Variants in TMTC2 observed in about 807,000 individuals in gnomAD.
The protein encoded by TMTC2 is protein O-mannosyl-transferase TMTC2.
Under a neutral mutation model 82.4 loss-of-function variants are expected in TMTC2, and 43 were observed. The observed-to-expected ratio is 0.52, with a 90% CI of 0.41 to 0.67. The LOEUF (loss-of-function observed/expected upper bound fraction) is 0.67. Among genes scored for constraint, TMTC2 ranks in the 30% least tolerant of loss-of-function variants. The probability of loss-of-function intolerance (pLI) is 0.00; values close to 1 mark genes in which losing one functional copy is unlikely to be tolerated. For missense variants in TMTC2, 919 were observed against 1,012.4 expected (o/e 0.91, Z 1.25); for synonymous variants, 408 against 381.9 (o/e 1.07, Z -0.80).
intron 1 of TMTC2, among the ~76,000 whole-genome samples, chr12:82,855,132 CAGAA>C (rs1871193531): frequency 6.6e-6 from 1 of 152,160 alleles, no homozygotes; most frequent in African/African-American, 2.4e-5. Context: ...AACTGAAGCT[CAGAA>C]AGGTTAATTG....
At chr12:82,731,622 C>T (rs916795626) in intron 1 of TMTC2, among the ~76,000 whole-genome samples, 2 of 152,124 alleles carry the variant, frequency 1.3e-5, no homozygotes, top group Non-Finnish European at 2.9e-5. Flanking sequence ...AAGTTTTAGA[C>T]TATTACTATA....
chr12:82,687,310 C>A lies in TMTC2; in HGVS notation c.-277C>A, dbSNP rs1248776279. The A allele has an allele frequency of 9.6e-6, 5 of 519,090 alleles. No homozygotes were observed. Among genetic ancestry groups the A allele is most frequent in the South Asian group, 2.1e-5 (1 of 47,098 alleles). 32.2% of individuals were successfully genotyped at this position (519,090 alleles called of 1,614,324 possible). On this transcript the variant is annotated 5_prime_UTR_variant, in exon 1 of 12. Coordinates refer to ENST00000321196, the MANE Select transcript of TMTC2 (RefSeq NM_152588.3). The stretch of plus-strand genomic sequence containing the variant: ...CCAGCCCTGCGCTTCCGCCGGGGGA[C>A]GCGGAGCCCAAACGCCGCTCACCGC...
chr12:82,880,294 C>T (rs1230263042), intron 2 of TMTC2, among the ~76,000 whole-genome samples: 1 of 152,218 alleles, frequency 6.6e-6, no homozygotes, highest in Non-Finnish European at 1.5e-5. Context: ...CTAGTACCTC[C>T]TGTAATTTTT....
intron 10 of TMTC2, among the ~76,000 whole-genome samples, chr12:83,057,805 A>G (rs1882600458): frequency 6.6e-6 from 1 of 151,936 alleles, no homozygotes; most frequent in African/African-American, 2.4e-5. Context: ...CGTGGTTTTT[A>G]TATTAATTTT....
At chr12:82,852,669 T>C (rs577860520) in intron 1 of TMTC2, among the ~76,000 whole-genome samples, 51 of 152,364 alleles carry the variant, frequency 3.3e-4, no homozygotes, top group African/African-American at 1.2e-3. Context: ...GGTTTTACTA[T>C]TTCTATTTTG....
chr12:82,801,274 G>C (rs991371460), intron 1 of TMTC2, among the ~76,000 whole-genome samples: 2 of 152,066 alleles, frequency 1.3e-5, no homozygotes, highest in South Asian at 4.1e-4. Context: ...CTTTCCTCCC[G>C]GTGGGTTTGT....
intron 11 of TMTC2, among the ~76,000 whole-genome samples, chr12:83,122,620 G>A (rs563933440): frequency 6.6e-6 from 1 of 152,164 alleles, no homozygotes; most frequent in East Asian, 1.9e-4. Context: ...GTGTTCGGGG[G>A]CGGATGACCT....
chr12:82,982,489 T>C (rs1878965240), intron 7 of TMTC2, among the ~76,000 whole-genome samples: 1 of 151,854 alleles, frequency 6.6e-6, no homozygotes, highest in African/African-American at 2.4e-5. Flanking sequence ...TATTACCATT[T>C]ATATACACCC....
intron 1 of TMTC2, among the ~76,000 whole-genome samples, chr12:82,688,864 G>T (rs947232824): frequency 2.6e-5 from 4 of 152,178 alleles, no homozygotes; most frequent in African/African-American, 9.7e-5. Flanking sequence ...GTCGTAATTA[G>T]CCACATTCTG....
At chr12:82,997,495 A>G (rs1445612101) in intron 8 of TMTC2, among the ~76,000 whole-genome samples, 1 of 144,452 alleles carries the variant, frequency 6.9e-6, no homozygotes, top group Non-Finnish European at 1.5e-5. Flanking sequence ...ATGTAGGCAT[A>G]TGTAACTGCA....
At chr12:82,901,755 C>T (rs1392636357) in intron 3 of TMTC2, among the ~76,000 whole-genome samples, 1 of 152,008 alleles carries the variant, frequency 6.6e-6, no homozygotes, top group Non-Finnish European at 1.5e-5. Flanking sequence ...AGGAGTTGGA[C>T]TGTATTTTGC....
chr12:82,885,405 C>CT (rs1373956943), intron 2 of TMTC2, among the ~76,000 whole-genome samples: 1 of 151,756 alleles, frequency 6.6e-6, no homozygotes, highest in African/African-American at 2.4e-5. Context: ...CAGAGACACT[C>CT]TGTCACCCAT....
Position 82,857,229 on chromosome 12 carries a change from C to G in TMTC2, c.303C>G (p.Leu101=). ...TGTTGCATGCAGCAGTCACTGGTCTCTTCACAAGCTTCTCCAAGATCCTCC... is the reference window on the plus strand; with the variant it reads ...TGTTGCATGCAGCAGTCACTGGTCTGTTCACAAGCTTCTCCAAGATCCTCC... The part of the protein sequence containing the change: ...NVLLHAAVTG[L]FTSFSKILLG... Residue 101 remains leucine, a synonymous_variant, in exon 2 of 12, where the codon CTC becomes CTG. Transcript: ENST00000321196. 1.2e-6 allele frequency: 2 copies of G among 1,614,204 alleles called. No homozygotes were observed. The highest frequency in any genetic ancestry group is 1.7e-6 in the Non-Finnish European group (2 of 1,180,048).
chr12:82,719,618 A>G (rs557574196), intron 1 of TMTC2, among the ~76,000 whole-genome samples: 27 of 148,538 alleles, frequency 1.8e-4, no homozygotes, highest in Middle Eastern at 3.5e-3. Context: ...TCATGTAGCA[A>G]TTTCCTTTGG....
chr12:82,866,727 T>C lies in TMTC2; in HGVS notation c.654+9147T>C, dbSNP rs562616580. 2.0e-5 allele frequency among the ~76,000 whole-genome samples: 3 copies of C among 152,322 alleles called. No individual in the cohort carries two copies. In the South Asian group the frequency reaches 6.2e-4, roughly 32 times the overall value. On this transcript the variant is annotated intron_variant, in intron 2 of 11. Transcript: ENST00000321196. ...GTTTGCACAAATTTGAAATCCATTGTCATTACCTAGAAGTTCAGTTCCTAT... is the reference window on the plus strand; with the variant it reads ...GTTTGCACAAATTTGAAATCCATTGCCATTACCTAGAAGTTCAGTTCCTAT...
intron 1 of TMTC2, among the ~76,000 whole-genome samples, chr12:82,698,055 C>T (rs1872895784): frequency 6.6e-6 from 1 of 152,150 alleles, no homozygotes; most frequent in African/African-American, 2.4e-5. Context: ...ATGCTTCGGC[C>T]TGTATGACTT....
intron 1 of TMTC2, among the ~76,000 whole-genome samples, chr12:82,713,218 G>T (rs1349397923): frequency 6.6e-6 from 1 of 152,120 alleles, no homozygotes; most frequent in African/African-American, 2.4e-5. Flanking sequence ...CTACTTGGGA[G>T]GCTGAGACAG....
intron 1 of TMTC2, among the ~76,000 whole-genome samples, chr12:82,725,106 CTTT>C (rs1277322283): frequency 6.6e-6 from 1 of 151,638 alleles, no homozygotes; most frequent in Non-Finnish European, 1.5e-5. Flanking sequence ...GGCCTTTCTC[CTTT>C]TTCAACAGTG....
rs184780345 is a variant in TMTC2 at position 82,985,792 on chromosome 12, G to A, written c.1949-133G>A. On this transcript the variant is annotated intron_variant, in intron 7 of 11. Coordinates refer to ENST00000321196, the MANE Select transcript of TMTC2 (RefSeq NM_152588.3). ...GATGACTTCTTTGGGAATCAGATGAGAACATGAATGAAAGTACTTCCCACA... is the reference window on the plus strand; with the variant it reads ...GATGACTTCTTTGGGAATCAGATGAAAACATGAATGAAAGTACTTCCCACA... 3.8e-5 allele frequency: 44 copies of A among 1,144,516 alleles called. No individual in the cohort carries two copies. In the African/African-American group the frequency reaches 5.5e-4, roughly 14 times the overall value. 70.9% of individuals were successfully genotyped at this position (1,144,516 alleles called of 1,614,324 possible).
Sources: gnomAD v4.1 joint callset for allele counts (sites outside exome capture counted in the v4.1 genomes callset) on GRCh38, gnomAD v4.1.1 for gene constraint, MANE v1.5 for transcripts, NCBI Gene and HGNC (gene_info 2026-07-23, HGNC 2026-07-21) for gene names.